PRAMEF15: variants seen among roughly 807,000 people sequenced by gnomAD.
The protein encoded by PRAMEF15 is PRAME family member 9/15.
Under a neutral mutation model 35.3 loss-of-function variants are expected in PRAMEF15, and 21 were observed. The observed-to-expected ratio is 0.59, with a 90% CI of 0.42 to 0.86. PRAMEF15 has a LOEUF of 0.86. Ranked by LOEUF, PRAMEF15 falls within the 40% of genes least tolerant of loss-of-function variation. The probability of loss-of-function intolerance (pLI) is 0.00; values close to 1 mark genes in which losing one functional copy is unlikely to be tolerated. For missense variants in PRAMEF15, 360 were observed against 574.1 expected, an observed-to-expected ratio of 0.63 and a Z score of 3.81; for synonymous variants, 122 against 223.3, an observed-to-expected ratio of 0.55 and a Z score of 4.05.
intron 3 of PRAMEF15, among the ~76,000 whole-genome samples, chr1:13,321,316 G>A (rs1179125584): frequency 6.7e-5 from 10 of 150,154 alleles, no homozygotes; most frequent in Non-Finnish European, 8.9e-5. Flanking sequence ...CTGGGTTCAA[G>A]CGATTCTTCT....
intron 2 of PRAMEF15, 94 bp from the exon 3 acceptor site, chr1:13,319,278 C>A (rs4104404): frequency 2.7e-6 from 4 of 1,478,586 alleles, no homozygotes; most frequent in Non-Finnish European, 3.7e-6. Flanking sequence ...AGAGGGACAA[C>A]AAGCAGGGAG....
At chr1:13,320,209 G>C (rs2100323252) in intron 3 of PRAMEF15, among the ~76,000 whole-genome samples, 1 of 152,216 alleles carries the variant, frequency 6.6e-6, no homozygotes, top group East Asian at 1.9e-4. Flanking sequence ...GGGGGGTTCA[G>C]ATCTAGTGAG....
intron 1 of PRAMEF15, 67 bp downstream of exon 1, chr1:13,315,725 A>C (rs1639993941): frequency 6.6e-6 from 1 of 150,926 alleles, no homozygotes; most frequent in African/African-American, 2.4e-5. Flanking sequence ...GGATGGTGAC[A>C]GTGCAGCCTA....
chr1:13,321,122 C>G (rs1640078375), intron 3 of PRAMEF15, among the ~76,000 whole-genome samples: 1 of 151,630 alleles, frequency 6.6e-6, no homozygotes, highest in Non-Finnish European at 1.5e-5. Flanking sequence ...TTCTGCCTGA[C>G]AGATGAGGAA....
rs1415662971 is a variant in PRAMEF15 at position 13,321,859 on chromosome 1, A to G, written c.1032A>G (p.Gln344=). The G allele has an allele frequency of 2.9e-5, 47 of 1,608,332 alleles. No homozygotes were observed. The highest frequency in any genetic ancestry group is 3.7e-5 in the Non-Finnish European group (43 of 1,177,532). The change falls in exon 4 of 4, where the codon CAA becomes CAG. Residue 344 remains glutamine (Q), a synonymous_variant. Coordinates refer to ENST00000376152, the MANE Select transcript of PRAMEF15 (RefSeq NM_001098376.3). ...CCAATTATAGTCTTGTGCCTCTCCA[A>G]ATTCTCCTAGAAAAAGTTGCAGCCA... The part of the protein sequence containing the change: ...RLTNYSLVPL[Q]ILLEKVAATL...
chr1:13,321,512 G>T (rs1394352509), intron 3 of PRAMEF15, among the ~76,000 whole-genome samples, 191 bp from the exon 4 acceptor site: 2 of 149,564 alleles, frequency 1.3e-5, no homozygotes, highest in Non-Finnish European at 1.5e-5. Context: ...ACTGGGCCGG[G>T]TCTAAAGTGG....
Position 13,319,936 on chromosome 1 carries a change from C to T in PRAMEF15, c.858C>T (p.His286=), listed in dbSNP as rs1284082943. 6.2e-6 allele frequency: 10 copies of T among 1,610,822 alleles called. No homozygotes were observed. In the East Asian group the frequency reaches 2.0e-4, roughly 32 times the overall value. Residue 286 remains histidine (H), a synonymous_variant, in exon 3 of 4, where the codon CAC becomes CAT. Coordinates refer to ENST00000376152, the MANE Select transcript of PRAMEF15 (RefSeq NM_001098376.3). The stretch of plus-strand genomic sequence containing the variant: ...ACTCTGTTTCTTTCCTCGAAGGCCA[C>T]CTGGACCAGCTGCTCAGGTGAGGGA... ...YMNSVSFLEG[H]LDQLLSCLKT...
At position 13,319,410 on chromosome 1, in the gene PRAMEF15, G is replaced by T; in HGVS notation, c.332G>T (p.Cys111Phe). 1 of 1,612,204 alleles carries T rather than the reference G, an allele frequency of 6.2e-7. No homozygotes were observed. The highest frequency in any genetic ancestry group is 8.5e-7 in the Non-Finnish European group (1 of 1,179,838). The stretch of plus-strand genomic sequence containing the variant: ...CAAGTGCTGGATTTACAGGATGTCT[G>T]TGAGAACTTCTGGATGGTTTGGTCT... The part of the protein sequence containing the change: ...KLQVLDLQDV[C>F]ENFWMVWSEA... Residue 111 changes from cysteine (C) to phenylalanine (F), a missense_variant, in exon 3 of 4, where the codon TGT (cysteine) becomes TTT (phenylalanine). Transcript: ENST00000376152.
chr1:13,317,313 A>G (rs1444362754), intron 1 of PRAMEF15, among the ~76,000 whole-genome samples: 1,856 of 145,120 alleles, frequency 0.013, 2 homozygotes, highest in East Asian at 0.078. Flanking sequence ...CAGATGATCC[A>G]CCTGCCTCGG....
chr1:13,320,252 G>A (rs1459133193), intron 3 of PRAMEF15, among the ~76,000 whole-genome samples: 2,777 of 144,716 alleles, frequency 0.019, no homozygotes, highest in East Asian at 0.13. Flanking sequence ...GAGGACATGT[G>A]TCTAAGTTAA....
chr1:13,316,381 T>C lies in PRAMEF15; in HGVS notation c.-17+723T>C, dbSNP rs1175685205. Reference sequence around the variant, plus strand: ...TTGAGGCTGCAGTGAGCCATGCTCATACCACTGCTGTACTCCAGCCTGGGC... The same window carrying C: ...TTGAGGCTGCAGTGAGCCATGCTCACACCACTGCTGTACTCCAGCCTGGGC... On this transcript the variant is annotated intron_variant, in intron 1 of 3. Transcript: ENST00000376152. Among the ~76,000 whole-genome samples, 32 of 150,264 alleles carry C rather than the reference T, an allele frequency of 2.1e-4. 1 individual carries two copies. Among genetic ancestry groups the C allele is most frequent in the African/African-American group, 6.4e-4 (26 of 40,738 alleles).
chr1:13,316,624 C>G (rs2100313800), intron 1 of PRAMEF15, among the ~76,000 whole-genome samples: 1 of 151,934 alleles, frequency 6.6e-6, no homozygotes, highest in African/African-American at 2.4e-5. Context: ...CACTGCATTC[C>G]AGCTTGGGCG....
chr1:13,318,230 G>T (rs1259133016), intron 1 of PRAMEF15, among the ~76,000 whole-genome samples, 162 bp from the exon 2 acceptor site: 1 of 152,128 alleles, frequency 6.6e-6, no homozygotes, highest in African/African-American at 2.4e-5. Context: ...TGCAGCAGAG[G>T]CAGAATGCTG....
chr1:13,320,154 G>A (rs1640063691), intron 3 of PRAMEF15, among the ~76,000 whole-genome samples: 1 of 151,450 alleles, frequency 6.6e-6, no homozygotes, highest in Non-Finnish European at 1.5e-5. Flanking sequence ...GGATCAGCTA[G>A]GGGAGATGCT....
At chr1:13,320,718 C>A (rs1402922480) in intron 3 of PRAMEF15, among the ~76,000 whole-genome samples, 3 of 152,052 alleles carry the variant, frequency 2.0e-5, no homozygotes. Flanking sequence ...GCTACCACGC[C>A]CAGCCAACAA....
intron 3 of PRAMEF15, among the ~76,000 whole-genome samples, chr1:13,320,162 G>A (rs1402725870): frequency 2.0e-5 from 3 of 152,114 alleles, no homozygotes; most frequent in African/African-American, 7.2e-5. Flanking sequence ...TAGGGGAGAT[G>A]CTATGGAGAG....
At chr1:13,315,851 C>T (rs1639995888) in intron 1 of PRAMEF15, among the ~76,000 whole-genome samples, 193 bp downstream of exon 1, 4 of 150,930 alleles carry the variant, frequency 2.7e-5, no homozygotes, top group African/African-American at 7.3e-5. Context: ...GTTGATTGTG[C>T]TTTGGTTGAT....
intron 3 of PRAMEF15, among the ~76,000 whole-genome samples, chr1:13,320,441 G>A (rs1176008449): frequency 1.3e-5 from 2 of 151,548 alleles, no homozygotes; most frequent in African/African-American, 4.8e-5. Context: ...TTTTTTTTCT[G>A]AGATGGAGTT....
At chr1:13,320,703 C>T (rs1482219211) in intron 3 of PRAMEF15, among the ~76,000 whole-genome samples, 7 of 150,974 alleles carry the variant, frequency 4.6e-5, no homozygotes, top group East Asian at 2.0e-4. Context: ...GGATTATAGG[C>T]GAGAGCTACC....
Sources: allele counts gnomAD v4.1 joint callset (sites outside exome capture counted in the v4.1 genomes callset), GRCh38; gene constraint gnomAD v4.1.1; transcripts MANE v1.5; gene names NCBI Gene and HGNC (gene_info 2026-07-23, HGNC 2026-07-21).